The following STK10 variants were observed in gnomAD, a reference collection of about 807,000 sequenced individuals.
STK10 encodes the protein serine/threonine-protein kinase 10.
STK10 carries 78 observed loss-of-function variants against 113.8 expected under a neutral mutation model. The observed-to-expected ratio is 0.69, with a 90% CI of 0.57 to 0.83. The LOEUF (loss-of-function observed/expected upper bound fraction) is 0.83, where lower values mean the gene tolerates loss of function less well. Ranked by LOEUF, STK10 falls within the 40% of genes least tolerant of loss-of-function variation. The pLI, the probability that STK10 is intolerant of heterozygous loss-of-function variation, is 0.00. For missense variants in STK10, 1,109 were observed against 1,280.1 expected (o/e 0.87, Z 2.04); for synonymous variants, 465 against 494.7 (o/e 0.94, Z 0.80).
intron 18 of STK10, among the ~76,000 whole-genome samples, chr5:172,047,324 G>T (rs1032436186): frequency 1.3e-5 from 2 of 152,126 alleles, no homozygotes; most frequent in Non-Finnish European, 2.9e-5. Flanking sequence ...TCTTTGAAGC[G>T]ATCTGAGACA....
intron 2 of STK10, among the ~76,000 whole-genome samples, chr5:172,141,605 AAGAG>A (rs1044097738): frequency 6.6e-6 from 1 of 151,918 alleles, no homozygotes; most frequent in South Asian, 2.1e-4. Flanking sequence ...AAAAATTTAA[AAGAG>A]AGAAAAATAA....
rs549840453 is a variant in STK10, at chr5:172,107,931, C to A, written c.521-79G>T. ...CCGGGGATGTGGACTCAGGGGTACA[C>A]ATTCCAAGTCGACTAACAGATGCCA... On this transcript the variant is annotated intron_variant, in intron 4 of 18. Coordinates refer to ENST00000176763, the MANE Select transcript of STK10 (RefSeq NM_005990.4). 3.1e-4 allele frequency: 380 copies of A among 1,239,124 alleles called. 3 individuals carry two copies. The highest frequency in any genetic ancestry group is 2.3e-3 in the African/African-American group (156 of 66,652). 76.8% of individuals were successfully genotyped at this position (1,239,124 alleles called of 1,614,324 possible).
chr5:172,093,358 A>G lies in STK10; in HGVS notation c.1554+54T>C. The G allele has an allele frequency of 6.6e-7, 1 of 1,518,238 alleles. No homozygotes were observed. Among genetic ancestry groups the G allele is most frequent in the Admixed American group, 2.2e-5 (1 of 45,638 alleles). 94.0% of individuals were successfully genotyped at this position (1,518,238 alleles called of 1,614,324 possible). A position where few individuals can be genotyped will look rare whatever the true frequency, so the allele number is the denominator to read the frequency against. ...GCTTTTGAAACCAAAATGGAGCCACAGAACATCCTGCAATGGTCTTGCTGC... is the reference window on the plus strand; with the variant it reads ...GCTTTTGAAACCAAAATGGAGCCACGGAACATCCTGCAATGGTCTTGCTGC... On this transcript the variant is annotated intron_variant, in intron 9 of 18. Coordinates refer to ENST00000176763, the MANE Select transcript of STK10 (RefSeq NM_005990.4). The surrounding 1 kb of genome is among the most constrained non-coding windows in gnomAD (Gnocchi z 4.1).
chr5:172,099,915 C>A (rs552688579), intron 7 of STK10, among the ~76,000 whole-genome samples: 1 of 152,324 alleles, frequency 6.6e-6, no homozygotes, highest in South Asian at 2.1e-4. Context: ...GAGGCAGAAT[C>A]ATCTGCCCAC....
chr5:172,063,278 A>T (rs1767974479), intron 13 of STK10, among the ~76,000 whole-genome samples: 1 of 151,904 alleles, frequency 6.6e-6, no homozygotes, highest in Non-Finnish European at 1.5e-5. Context: ...ACTGGGATGA[A>T]ACTCCCAGTT....
chr5:172,055,575 G>A lies in STK10; in HGVS notation c.2526+13C>T, dbSNP rs749770511. ...CCCAGCACACTTGCAGACCCCGCAG[G>A]CCCGGCCCCCACCTGCTTGATCTTC... is the stretch of plus-strand genomic sequence containing the variant. On this transcript the variant is annotated intron_variant, in intron 16 of 18. Transcript: ENST00000176763. The A allele has an allele frequency of 1.6e-5, 23 of 1,454,350 alleles. No homozygotes were observed. Among genetic ancestry groups the A allele is most frequent in the Non-Finnish European group, 2.0e-5 (22 of 1,093,038 alleles). 90.1% of individuals were successfully genotyped at this position (1,454,350 alleles called of 1,614,324 possible).
intron 3 of STK10, among the ~76,000 whole-genome samples, chr5:172,119,699 C>G: frequency 6.7e-6 from 1 of 148,308 alleles, no homozygotes; most frequent in East Asian, 1.9e-4. Flanking sequence ...CCCGTCTCTA[C>G]TAAAAATACA....
chr5:172,057,581 A>G (rs1381938258), intron 14 of STK10, 108 bp from the exon 15 acceptor site: 2 of 1,461,146 alleles, frequency 1.4e-6, no homozygotes, highest in East Asian at 5.1e-5. Flanking sequence ...ATGATAACCA[A>G]CCTGCTGGGC....
chr5:172,079,145 T>C (rs980733120), intron 12 of STK10, among the ~76,000 whole-genome samples: 2 of 152,234 alleles, frequency 1.3e-5, no homozygotes, highest in African/African-American at 4.8e-5. Context: ...AGCACACTCC[T>C]GCCTGTGGCC....
In STK10 at chr5:172,052,961, C is replaced by T. The variant is rs778499503; in HGVS notation, c.2734G>A (p.Glu912Lys). Residue 912 changes from glutamate (E) to lysine (K), a missense_variant, in exon 18 of 19, where the codon GAA becomes AAA. Physicochemically the swap from Glu to Lys is moderately conservative, Grantham distance 56 (BLOSUM62 1). Around this residue, in one of 5 missense-constraint regions of STK10, gnomAD observed 885 missense variants for 991.1 expected, o/e 0.89. Coordinates refer to ENST00000176763, the MANE Select transcript of STK10 (RefSeq NM_005990.4). ...LDESHNQNLK[E>K]WRDKLRPRKK... ...CGCGGCCGAAGCTTGTCCCGCCATT[C>T]CTTCAGGTTCTGGTTATGGCTCTCA... is the stretch of plus-strand genomic sequence containing the variant. 6 of 1,614,224 alleles carry T rather than the reference C, an allele frequency of 3.7e-6. No individual in the cohort carries two copies. In the East Asian group the frequency reaches 1.3e-4, roughly 36 times the overall value.
rs181134718 is a variant in STK10, at chr5:172,053,789, G to A, written c.2653-747C>T. 7.3e-3 allele frequency among the ~76,000 whole-genome samples: 1,113 copies of A among 152,376 alleles called. 5 individuals carry two copies. The highest frequency in any genetic ancestry group is 0.011 in the Non-Finnish European group (732 of 68,034). On this transcript the variant is annotated intron_variant, in intron 17 of 18. Coordinates refer to ENST00000176763, the MANE Select transcript of STK10 (RefSeq NM_005990.4). ...AGAGGCTTCTGGGAGTTTAGAACTT[G>A]GCTGAGTGAGAAGTAATACTCGCAG...
chr5:172,181,991 T>C (rs1006942019), intron 1 of STK10, among the ~76,000 whole-genome samples: 1 of 152,054 alleles, frequency 6.6e-6, no homozygotes, highest in Non-Finnish European at 1.5e-5. Flanking sequence ...CTCCCAATTT[T>C]GCAAAACAAT....
chr5:172,117,348 C>T (rs990596075), intron 4 of STK10, 133 bp downstream of exon 4: 5 of 933,332 alleles, frequency 5.4e-6, no homozygotes, highest in Admixed American at 2.8e-5. Context: ...GAACTGCTGA[C>T]ATGCCAAGAG....
At chr5:172,139,506 A>G (rs1181439299) in intron 2 of STK10, among the ~76,000 whole-genome samples, 4 of 151,812 alleles carry the variant, frequency 2.6e-5, no homozygotes, top group Non-Finnish European at 4.4e-5. Context: ...AAAAAAAAAA[A>G]AAAGAAAAGA....
intron 10 of STK10, among the ~76,000 whole-genome samples, chr5:172,089,896 G>C (rs912881662): frequency 6.6e-6 from 1 of 151,946 alleles, no homozygotes; most frequent in Non-Finnish European, 1.5e-5. Flanking sequence ...TGGACAGTTG[G>C]ATGGATGGAT....
chr5:172,047,287 G>T (rs555345312), intron 18 of STK10, among the ~76,000 whole-genome samples: 1 of 152,330 alleles, frequency 6.6e-6, no homozygotes, highest in Non-Finnish European at 1.5e-5. Flanking sequence ...CTGCACACTC[G>T]TGGTGCCTCC....
chr5:172,135,598 G>A (rs1192133677), intron 2 of STK10, among the ~76,000 whole-genome samples: 3 of 152,114 alleles, frequency 2.0e-5, no homozygotes, highest in Non-Finnish European at 2.9e-5. Flanking sequence ...AATGTAAAAT[G>A]TGCAGTCCAG....
chr5:172,167,156 C>A, intron 1 of STK10, among the ~76,000 whole-genome samples: 1 of 142,436 alleles, frequency 7.0e-6, no homozygotes. Flanking sequence ...AAGAATCTGT[C>A]TCAAAAAAAA....
At chr5:172,143,909 G>A (rs1463502896) in intron 2 of STK10, among the ~76,000 whole-genome samples, 1 of 152,142 alleles carries the variant, frequency 6.6e-6, no homozygotes, top group Non-Finnish European at 1.5e-5. Flanking sequence ...GAAATCAGGG[G>A]CAGAACAGCC....
Sources: gnomAD v4.1 joint callset for allele counts (sites outside exome capture counted in the v4.1 genomes callset) on GRCh38, gnomAD v4.1.1 for gene constraint, gnomAD v4.1.1 regional missense constraint, Gnocchi (gnomAD v3.1) non-coding constraint, MANE v1.5 for transcripts, NCBI Gene and HGNC (gene_info 2026-07-23, HGNC 2026-07-21) for gene names.